Variants in NECTIN1 observed in about 807,000 individuals in gnomAD.
NECTIN1 encodes the protein nectin-1.
Under a neutral mutation model 48.0 loss-of-function variants are expected in NECTIN1, and 23 were observed. That is an observed-to-expected ratio of 0.48 (90% CI 0.34 to 0.68). The LOEUF (loss-of-function observed/expected upper bound fraction) is 0.68, where lower values mean the gene tolerates loss of function less well. Ranked by LOEUF, NECTIN1 falls within the 30% of genes least tolerant of loss-of-function variation. The pLI is 0.01. For missense variants in NECTIN1, 591 were observed against 709.9 expected (o/e 0.83, Z 1.90); for synonymous variants, 270 against 288.9 (o/e 0.93, Z 0.66).
chr11:119,647,393 G>T (rs993035503), intron 5 of NECTIN1, among the ~76,000 whole-genome samples: 1 of 151,954 alleles, frequency 6.6e-6, no homozygotes, highest in African/African-American at 2.4e-5. Flanking sequence ...GAGCAAGGCC[G>T]ACTCTGAACC....
At chr11:119,639,295 G>A (rs1194756827) in intron 6 of NECTIN1, among the ~76,000 whole-genome samples, 1 of 152,208 alleles carries the variant, frequency 6.6e-6, no homozygotes, top group Non-Finnish European at 1.5e-5. Context: ...TCACAGTGGT[G>A]TGCTGGGTGT....
chr11:119,719,368 C>T (rs756888557), intron 1 of NECTIN1, among the ~76,000 whole-genome samples: 2 of 152,160 alleles, frequency 1.3e-5, no homozygotes, highest in African/African-American at 2.4e-5. Context: ...GTCTGCCACC[C>T]GCCAGGAAGA....
chr11:119,652,924 T>C (rs1864513999), intron 5 of NECTIN1, among the ~76,000 whole-genome samples: 1 of 152,210 alleles, frequency 6.6e-6, no homozygotes, highest in African/African-American at 2.4e-5. Flanking sequence ...CTGTGGCCTT[T>C]TCACACTTTG....
chr11:119,641,312 G>C (rs1410889213), intron 5 of NECTIN1: 1 of 152,314 alleles, frequency 6.6e-6, no homozygotes, highest in Non-Finnish European at 1.5e-5. Flanking sequence ...TTACAAGCAT[G>C]AGCCACCGTG....
Position 119,677,587 on chromosome 11 carries a change from C to G in NECTIN1, c.701G>C (p.Arg234Pro). Reference protein sequence around the residue: ...LACIVNYHMDRFKESLTLNVQ... With the variant: ...LACIVNYHMDPFKESLTLNVQ... The stretch of plus-strand genomic sequence containing the variant: ...GTTGAGAGTGAGGCTTTCCTTGAAG[C>G]GGTCCATGTGGTAGTTGACGATGCA... Residue 234 changes from arginine to proline, a missense_variant, in exon 3 of 6, where the codon CGC (arginine) becomes CCC (proline). Coordinates refer to ENST00000264025, the MANE Select transcript of NECTIN1 (RefSeq NM_002855.5). This position sits in a 1 kb window ranked among gnomAD's most constrained non-coding sequence, Gnocchi z 5.4. 12 of 1,613,010 alleles carry G rather than the reference C, an allele frequency of 7.4e-6. No individual in the cohort carries two copies. The highest frequency in any genetic ancestry group is 1.0e-5 in the Non-Finnish European group (12 of 1,180,024).
downstream of NECTIN1, among the ~76,000 whole-genome samples, chr11:119,656,814 G>A (rs568418771): frequency 6.6e-6 from 1 of 152,290 alleles, no homozygotes; most frequent in Admixed American, 6.5e-5. Flanking sequence ...GGGATATAGG[G>A]GAACTGCCAC....
rs762583153 is a variant in NECTIN1, at chr11:119,665,277, G to A, written c.1024C>T (p.Pro342Ser). The A allele has an allele frequency of 1.0e-5, 16 of 1,593,930 alleles. No individual in the cohort carries two copies. In the Admixed American group the frequency reaches 2.5e-4, roughly 25 times the overall value. The stretch of plus-strand genomic sequence containing the variant: ...CCGGCGCGCCGCCCATGTTCGGGAG[G>A]AGACGGGGTGTAGGGGAATTCTGGG... ...NITEFPYTPSPPEHGRRAGPV... is the reference protein window; with the variant it reads ...NITEFPYTPSSPEHGRRAGPV... Residue 342 changes from proline to serine, a missense_variant, in exon 6 of 6, where the codon CCT (proline) becomes TCT (serine). Coordinates refer to ENST00000264025, the MANE Select transcript of NECTIN1 (RefSeq NM_002855.5). The surrounding 1 kb of genome is among the most constrained non-coding windows in gnomAD (Gnocchi z 5.1).
rs1421414915 is a variant in NECTIN1, at chr11:119,684,647, C to T, written c.80-5882G>A. On this transcript the variant is annotated intron_variant, in intron 1 of 5. Transcript: ENST00000264025. This position sits in a 1 kb window ranked among gnomAD's most constrained non-coding sequence, Gnocchi z 5.2. ...AGCACAGTGACCTAAAGGTTATAGG[C>T]CCCCTCCTCCCAGTGCAGCCGCTTC... Among the ~76,000 whole-genome samples the T allele has an allele frequency of 1.3e-5, 2 of 152,180 alleles. No homozygotes were observed. The highest frequency in any genetic ancestry group is 2.1e-4 in the South Asian group (1 of 4,830).
chr11:119,650,661 C>T (rs1177483147), intron 5 of NECTIN1, among the ~76,000 whole-genome samples: 3 of 152,302 alleles, frequency 2.0e-5, no homozygotes, highest in South Asian at 2.1e-4. Context: ...GTTAGAGACA[C>T]GGATTCTGGG....
chr11:119,677,892 C>T lies in NECTIN1; in HGVS notation c.431-35G>A, dbSNP rs780196855. The T allele has an allele frequency of 4.4e-6, 7 of 1,603,342 alleles. No individual in the cohort carries two copies. The Admixed American group carries it at 5.0e-5, about 11-fold the overall frequency. On this transcript the variant is annotated intron_variant, in intron 2 of 5. Coordinates refer to ENST00000264025, the MANE Select transcript of NECTIN1 (RefSeq NM_002855.5). The surrounding 1 kb of genome is among the most constrained non-coding windows in gnomAD (Gnocchi z 5.4). ...AGCAGAGAGAGTGATGGGACTAGCC[C>T]TGTTGACTTGTCCAAGATGCACCGG...
intron 5 of NECTIN1, among the ~76,000 whole-genome samples, chr11:119,653,281 T>C (rs1241776483): frequency 6.6e-6 from 1 of 152,188 alleles, no homozygotes; most frequent in African/African-American, 2.4e-5. Flanking sequence ...CAAGTAAAAA[T>C]GATCACGGTT....
chr11:119,661,176 G>A lies in NECTIN1; in HGVS notation c.*3571C>T. ...AAGGGCGACAAGACGCCGAAGCAAG[G>A]TAGCGCATCACGCTGGGAGGGGAGG... On this transcript the variant is annotated 3_prime_UTR_variant, in exon 6 of 6. Transcript: ENST00000264025. 3.0e-6 allele frequency: 3 copies of A among 985,846 alleles called. No homozygotes were observed. The highest frequency in any genetic ancestry group is 3.6e-6 in the Non-Finnish European group (3 of 829,948). The allele number at this position is 985,846 out of a possible 1,614,324, so 61.1% of individuals were successfully genotyped here. A position where few individuals can be genotyped will look rare whatever the true frequency, so the allele number is the denominator to read the frequency against.
At position 119,709,027 on chromosome 11, in the gene NECTIN1, C is replaced by T. The variant is rs934301457; in HGVS notation, c.79+19448G>A. 5.9e-5 allele frequency among the ~76,000 whole-genome samples: 9 copies of T among 152,068 alleles called. No individual in the cohort carries two copies. The highest frequency in any genetic ancestry group is 1.9e-4 in the African/African-American group (8 of 41,472). Reference sequence around the variant, plus strand: ...CTGATTTTGCTGGGGGAGGGGGCACCGGAGAGATCCTGAGACACTCTACCC... The same window carrying T: ...CTGATTTTGCTGGGGGAGGGGGCACTGGAGAGATCCTGAGACACTCTACCC... On this transcript the variant is annotated intron_variant, in intron 1 of 5. Coordinates refer to ENST00000264025, the MANE Select transcript of NECTIN1 (RefSeq NM_002855.5). The surrounding 1 kb of genome is among the most constrained non-coding windows in gnomAD (Gnocchi z 4.1).
chr11:119,639,994 C>A, exon 6 of NECTIN1: 1 of 1,613,222 alleles, frequency 6.2e-7, no homozygotes, highest in African/African-American at 1.3e-5. Flanking sequence ...TCCCAGACCC[C>A]TCTGGGGGCG....
At chr11:119,715,204 T>C (rs1865725377) in intron 1 of NECTIN1, among the ~76,000 whole-genome samples, 1 of 152,142 alleles carries the variant, frequency 6.6e-6, no homozygotes, top group Non-Finnish European at 1.5e-5. Flanking sequence ...CAGCATTTGA[T>C]TTCCCTTCCA....
At chr11:119,648,322 A>ATGGTGGTGGTGATGGTGG (rs1298252121) in intron 5 of NECTIN1, among the ~76,000 whole-genome samples, 1 of 4,260 alleles carries the variant, frequency 2.3e-4, no homozygotes, top group African/African-American at 8.9e-4. Context: ...GGTGATGGTG[A>ATGGTGGTGGTGATGGTGG]TGGTGGTGAT....
chr11:119,648,686 G>A (rs1864448849), intron 5 of NECTIN1, among the ~76,000 whole-genome samples: 1 of 151,998 alleles, frequency 6.6e-6, no homozygotes, highest in African/African-American at 2.4e-5. Flanking sequence ...CTGGGGCAGA[G>A]CCCAGGAAGC....
intron 5 of NECTIN1, among the ~76,000 whole-genome samples, chr11:119,647,789 G>A (rs1162637802): frequency 6.6e-6 from 1 of 152,222 alleles, no homozygotes; most frequent in Middle Eastern, 3.4e-3. Flanking sequence ...GGGACTGGGC[G>A]CGGTGGCTCA....
At position 119,661,366 on chromosome 11, in the gene NECTIN1, G is replaced by C. The variant is rs1346605618; in HGVS notation, c.*3381C>G. 3.0e-6 allele frequency: 3 copies of C among 986,472 alleles called. No homozygotes were observed. The highest frequency in any genetic ancestry group is 3.6e-6 in the Non-Finnish European group (3 of 830,542). The allele number at this position is 986,472 out of a possible 1,614,324, so 61.1% of individuals were successfully genotyped here. A position where few individuals can be genotyped will look rare whatever the true frequency, so the allele number is the denominator to read the frequency against. On this transcript the variant is annotated 3_prime_UTR_variant, in exon 6 of 6. Transcript: ENST00000264025. ...CTGGGCAGTGTTGGCAGCAGTGGCA[G>C]CAGCAGAGGGGCCTGCCTCCTGGCA...
Sources: allele counts gnomAD v4.1 joint callset (sites outside exome capture counted in the v4.1 genomes callset), GRCh38; gene constraint gnomAD v4.1.1; non-coding constraint Gnocchi (gnomAD v3.1); transcripts MANE v1.5; gene names NCBI Gene and HGNC (gene_info 2026-07-23, HGNC 2026-07-21).